ARFGEF3: variants seen among roughly 807,000 people sequenced by gnomAD.
ARFGEF3 encodes the protein ARFGEF family member 3, also known as brefeldin A-inhibited guanine nucleotide-exchange protein 3.
Under a neutral mutation model 221.7 loss-of-function variants are expected in ARFGEF3, and 96 were observed. The ratio of observed to expected loss-of-function variants is 0.43; its 90% confidence interval spans 0.37 to 0.51. The LOEUF (loss-of-function observed/expected upper bound fraction) is 0.51. Ranked by LOEUF, ARFGEF3 falls within the 20% of genes least tolerant of loss-of-function variation. The pLI is 0.00. For synonymous variants in ARFGEF3, 1,145 were observed against 1,126.8 expected (o/e 1.02, Z -0.32); for missense variants, 2,410 against 2,789.9 (o/e 0.86, Z 3.07).
chr6:138,288,622 T>C (rs1583050901), intron 17 of ARFGEF3, among the ~76,000 whole-genome samples: 1 of 148,958 alleles, frequency 6.7e-6, no homozygotes, highest in African/African-American at 2.5e-5. Flanking sequence ...CTGGGAGAGG[T>C]TGCAGTGAAC....
chr6:138,179,807 T>G (rs1777043291), intron 2 of ARFGEF3, among the ~76,000 whole-genome samples: 1 of 152,146 alleles, frequency 6.6e-6, no homozygotes, highest in Non-Finnish European at 1.5e-5. Context: ...TTTTTTTGGT[T>G]GTTTTGTTTG....
chr6:138,250,994 G>T (rs1003837943), intron 8 of ARFGEF3, among the ~76,000 whole-genome samples: 1 of 152,174 alleles, frequency 6.6e-6, no homozygotes, highest in Non-Finnish European at 1.5e-5. Flanking sequence ...CTAGTGGAAG[G>T]TGCTTACGTT....
At position 138,335,122 on chromosome 6, in the gene ARFGEF3, G is replaced by T. The variant is rs1401883714; in HGVS notation, c.6276G>T (p.Arg2092Ser). 7 of 1,598,200 alleles carry T rather than the reference G, an allele frequency of 4.4e-6. No homozygotes were observed. Among genetic ancestry groups the T allele is most frequent in the Non-Finnish European group, 5.1e-6 (6 of 1,174,078 alleles). ...CCGAGCTGCTGCGACAGGACAAGAGGCCCCGCTCAGGCTCCACCGGGAGCT... is the reference window on the plus strand; with the variant it reads ...CCGAGCTGCTGCGACAGGACAAGAGTCCCCGCTCAGGCTCCACCGGGAGCT... Reference protein sequence around the residue: ...AGPELLRQDKRPRSGSTGSSL... With the variant: ...AGPELLRQDKSPRSGSTGSSL... Residue 2092 changes from arginine (R) to serine (S), a missense_variant, in exon 33 of 34, where the codon AGG becomes AGT. This residue lies in a region of ARFGEF3 where 339 missense variants were observed against 334.9 expected (regional missense o/e 1.01). Transcript: ENST00000251691.
At chr6:138,297,053 G>A in intron 21 of ARFGEF3, 98 bp downstream of exon 21, 4 of 1,371,790 alleles carry the variant, frequency 2.9e-6, no homozygotes, top group East Asian at 2.3e-5. Flanking sequence ...GCAAAGCACT[G>A]TGGCCATTGG....
rs113545413 is a variant in ARFGEF3 at position 138,211,019 on chromosome 6, A to G, written c.351+978A>G. Reference sequence around the variant, plus strand: ...CTGAAGCCAGCCTGTCTGGGTTTCAATTCTTATTCTTCCACTTCCTAGCAG... The same window carrying G: ...CTGAAGCCAGCCTGTCTGGGTTTCAGTTCTTATTCTTCCACTTCCTAGCAG... On this transcript the variant is annotated intron_variant, in intron 4 of 33. Transcript: ENST00000251691. Among the ~76,000 whole-genome samples, 549 of 152,314 alleles carry G rather than the reference A, an allele frequency of 3.6e-3. 5 individuals are homozygous for G. The highest frequency in any genetic ancestry group is 3.8e-3 in the Non-Finnish European group (259 of 68,030).
chr6:138,293,932 C>T (rs1779460083), intron 19 of ARFGEF3, 61 bp from the exon 20 acceptor site: 1 of 1,542,642 alleles, frequency 6.5e-7, no homozygotes, highest in Non-Finnish European at 8.8e-7. Context: ...CATAATCATT[C>T]TGCCATAAAG....
chr6:138,222,373 G>A (rs2114520379), intron 4 of ARFGEF3, among the ~76,000 whole-genome samples: 1 of 152,358 alleles, frequency 6.6e-6, no homozygotes, highest in South Asian at 2.1e-4. Flanking sequence ...GGTTGGACAA[G>A]CTTGTTGGTA....
At chr6:138,182,471 CA>C (rs1297646506) in intron 2 of ARFGEF3, among the ~76,000 whole-genome samples, 1 of 152,152 alleles carries the variant, frequency 6.6e-6, no homozygotes, top group Non-Finnish European at 1.5e-5. Context: ...GCTTCAAATG[CA>C]ATTTCCAAGG....
chr6:138,206,903 C>A, intron 2 of ARFGEF3, 139 bp from the exon 3 acceptor site: 1 of 643,154 alleles, frequency 1.6e-6, no homozygotes, highest in Non-Finnish European at 2.8e-6. Context: ...TCTCTTAAGC[C>A]CATGTGCATT....
chr6:138,289,522 A>G (rs1583051312), intron 17 of ARFGEF3, among the ~76,000 whole-genome samples: 1 of 152,092 alleles, frequency 6.6e-6, no homozygotes, highest in Non-Finnish European at 1.5e-5. Flanking sequence ...GGCTCATGAA[A>G]CCCATCCACA....
chr6:138,249,473 G>T (rs1232269380), intron 8 of ARFGEF3, among the ~76,000 whole-genome samples: 2 of 152,110 alleles, frequency 1.3e-5, no homozygotes, highest in Non-Finnish European at 2.9e-5. Flanking sequence ...GGGACTACAG[G>T]CATGCGCCAC....
chr6:138,229,451 A>T (rs1318488675), intron 4 of ARFGEF3, among the ~76,000 whole-genome samples: 1 of 152,242 alleles, frequency 6.6e-6, no homozygotes, highest in Non-Finnish European at 1.5e-5. Context: ...TGGCATTTTT[A>T]AAATGACTGC....
intron 1 of ARFGEF3, among the ~76,000 whole-genome samples, chr6:138,163,105 C>CT (rs113832808): frequency 0.071 from 10,801 of 152,242 alleles, 398 homozygotes; most frequent in Middle Eastern, 0.13. Flanking sequence ...ACTGTGTGTG[C>CT]TTTGATGCAG....
chr6:138,245,452 T>A, intron 7 of ARFGEF3, 61 bp from the exon 8 acceptor site: 1 of 1,152,082 alleles, frequency 8.7e-7, no homozygotes, highest in Middle Eastern at 2.1e-4. Context: ...GAAGGATGGT[T>A]CAGGGAGCTC....
At chr6:138,196,015 GA>G (rs34299963) in intron 2 of ARFGEF3, among the ~76,000 whole-genome samples, 17,229 of 147,700 alleles carry the variant, frequency 0.12, 1,317 homozygotes, top group East Asian at 0.37. Flanking sequence ...AAAAAGAAAA[GA>G]AAAAAAAAGA....
At chr6:138,230,605 A>G (rs1778173857) in intron 5 of ARFGEF3, among the ~76,000 whole-genome samples, 1 of 152,232 alleles carries the variant, frequency 6.6e-6, no homozygotes, top group Non-Finnish European at 1.5e-5. Flanking sequence ...GCACTCATGG[A>G]GAGTACTTAT....
At chr6:138,311,587 C>G in intron 25 of ARFGEF3, 77 bp downstream of exon 25, 2 of 975,308 alleles carry the variant, frequency 2.1e-6, no homozygotes, top group Non-Finnish European at 1.6e-6. Flanking sequence ...CGTGGGGGGT[C>G]TTTTGCTGAA....
chr6:138,178,278 C>T (rs1349751426), intron 2 of ARFGEF3, among the ~76,000 whole-genome samples: 2 of 152,104 alleles, frequency 1.3e-5, no homozygotes, highest in Non-Finnish European at 2.9e-5. Context: ...ATGCCAAAGC[C>T]AAGACCAAAA....
chr6:138,166,853 C>A (rs1042230215), intron 1 of ARFGEF3, among the ~76,000 whole-genome samples: 2 of 152,178 alleles, frequency 1.3e-5, no homozygotes, highest in African/African-American at 4.8e-5. Context: ...ATCTATCCAA[C>A]CAGCACCCTT....
Sources: allele counts gnomAD v4.1 joint callset (sites outside exome capture counted in the v4.1 genomes callset), GRCh38; gene constraint gnomAD v4.1.1; regional missense constraint gnomAD v4.1.1; transcripts MANE v1.5; gene names NCBI Gene and HGNC (gene_info 2026-07-23, HGNC 2026-07-21).